The following SPMIP2 variants were observed in gnomAD, a reference collection of about 807,000 sequenced individuals.
The protein encoded by SPMIP2 is protein SPMIP2.
At chr4:159,031,299 C>G in the SPMIP2 span, among the ~76,000 whole-genome samples, 1 of 152,150 alleles carries the variant, frequency 6.6e-6, no homozygotes, top group Non-Finnish European at 1.5e-5. Context: ...AAGAGTTGAA[C>G]TTGGCTATAA....
chr4:158,919,431 T>G, the SPMIP2 span, among the ~76,000 whole-genome samples: 1 of 152,212 alleles, frequency 6.6e-6, no homozygotes, highest in South Asian at 2.1e-4. Context: ...CCAGTTATTT[T>G]GCAGATGTCC....
At chr4:158,960,322 G>A in the SPMIP2 span, 1 of 1,571,038 alleles carries the variant, frequency 6.4e-7, no homozygotes, top group African/African-American at 1.3e-5. Flanking sequence ...TGAATCAAGA[G>A]AAGCTTGACT....
the SPMIP2 span, among the ~76,000 whole-genome samples, chr4:158,939,619 C>A: frequency 4.6e-5 from 7 of 152,012 alleles, no homozygotes; most frequent in African/African-American, 1.7e-4. Context: ...TCTTTTAATT[C>A]ATAGGTTCTC....
At chr4:158,990,450 C>T in the SPMIP2 span, among the ~76,000 whole-genome samples, 1 of 152,116 alleles carries the variant, frequency 6.6e-6, no homozygotes, top group Non-Finnish European at 1.5e-5. Flanking sequence ...CAGCACTGTT[C>T]ACAATAGTGA....
the SPMIP2 span, among the ~76,000 whole-genome samples, chr4:159,021,174 A>G: frequency 6.6e-6 from 1 of 152,224 alleles, no homozygotes; most frequent in Non-Finnish European, 1.5e-5. Context: ...CTCCCATCCA[A>G]ATTTGGAGAT....
the SPMIP2 span, among the ~76,000 whole-genome samples, chr4:159,080,880 T>A: frequency 6.6e-6 from 1 of 150,864 alleles, no homozygotes; most frequent in Non-Finnish European, 1.5e-5. Context: ...CCCACCACCA[T>A]GCCCGGCTAA....
At chr4:159,082,685 T>C in the SPMIP2 span, among the ~76,000 whole-genome samples, 1 of 152,242 alleles carries the variant, frequency 6.6e-6, no homozygotes, top group Admixed American at 6.5e-5. Context: ...ATGTAATTAA[T>C]CTGATCATAA....
At chr4:158,932,881 A>C in the SPMIP2 span, among the ~76,000 whole-genome samples, 1 of 152,240 alleles carries the variant, frequency 6.6e-6, no homozygotes, top group Non-Finnish European at 1.5e-5. Flanking sequence ...GAATGGGAAT[A>C]GTACAATTTC....
the SPMIP2 span, among the ~76,000 whole-genome samples, chr4:158,903,196 T>A: frequency 6.6e-6 from 1 of 152,122 alleles, no homozygotes; most frequent in African/African-American, 2.4e-5. Context: ...AGTGCAGATA[T>A]TGAGTTCCTC....
chr4:158,951,873 T>C, the SPMIP2 span, among the ~76,000 whole-genome samples: 1 of 152,176 alleles, frequency 6.6e-6, no homozygotes, highest in Non-Finnish European at 1.5e-5. Context: ...TAGTTTTCCA[T>C]ACATTCTCAC....
chr4:158,960,698 G>T, the SPMIP2 span, among the ~76,000 whole-genome samples: 1 of 151,984 alleles, frequency 6.6e-6, no homozygotes, highest in Non-Finnish European at 1.5e-5. Flanking sequence ...ACTCAAACAG[G>T]TTACCTCTTT....
the SPMIP2 span, chr4:159,007,874 TGTGTGG>T: frequency 2.0e-6 from 1 of 504,714 alleles, no homozygotes; most frequent in Non-Finnish European, 3.9e-6. Flanking sequence ...CTATATGTTG[TGTGTGG>T]GAAAAAAAAG....
At chr4:159,024,341 C>T in the SPMIP2 span, among the ~76,000 whole-genome samples, 3 of 152,060 alleles carry the variant, frequency 2.0e-5, no homozygotes, top group East Asian at 1.9e-4. Context: ...TTAATAGGCA[C>T]GGTGAAAGGT....
the SPMIP2 span, among the ~76,000 whole-genome samples, chr4:159,001,335 CTTA>C: frequency 7.2e-3 from 1,098 of 152,190 alleles, 12 homozygotes; most frequent in Middle Eastern, 0.017. Context: ...GCCTCGTCTT[CTTA>C]TTGAGAGAGT....
At chr4:158,964,192 A>AAAACAAAACAAAAC in the SPMIP2 span, among the ~76,000 whole-genome samples, 3 of 120,796 alleles carry the variant, frequency 2.5e-5, no homozygotes, top group African/African-American at 9.3e-5. Context: ...CAAAACAAAA[A>AAAACAAAACAAAAC]ACATGTGGAG....
At chr4:159,073,302 C>T in the SPMIP2 span, among the ~76,000 whole-genome samples, 27 of 152,130 alleles carry the variant, frequency 1.8e-4, no homozygotes, top group Middle Eastern at 6.8e-3. Context: ...CACAGGCGCA[C>T]GCCACCATGC....
chr4:158,986,935 G>GA, the SPMIP2 span, among the ~76,000 whole-genome samples: 1 of 139,080 alleles, frequency 7.2e-6, no homozygotes, highest in East Asian at 2.1e-4. Flanking sequence ...AAATTTACAA[G>GA]AAAAAAACAA....
At chr4:158,986,654 A>G in the SPMIP2 span, among the ~76,000 whole-genome samples, 1 of 152,122 alleles carries the variant, frequency 6.6e-6, no homozygotes, top group African/African-American at 2.4e-5. Context: ...AGTCTTAAAT[A>G]TTAGACCTAA....
the SPMIP2 span, among the ~76,000 whole-genome samples, chr4:159,006,226 A>G: frequency 4.6e-5 from 7 of 152,242 alleles, no homozygotes; most frequent in Non-Finnish European, 8.8e-5. Context: ...TAAGATTTGG[A>G]AAACTTGTTG....
Sources: gnomAD v4.1 joint callset for allele counts (sites outside exome capture counted in the v4.1 genomes callset) on GRCh38, gnomAD v4.1.1 for gene constraint, MANE v1.5 for transcripts, NCBI Gene and HGNC (gene_info 2026-07-23, HGNC 2026-07-21) for gene names.